Variants in DTD1 observed in about 807,000 individuals in gnomAD.
DTD1 encodes D-tyrosyl-tRNA deacylase 1 homolog.
DTD1 carries 13 observed loss-of-function variants against 25.6 expected under a neutral mutation model. The observed-to-expected ratio is 0.51, with a 90% CI of 0.33 to 0.81. The LOEUF (loss-of-function observed/expected upper bound fraction) is 0.81, where lower values mean the gene tolerates loss of function less well. DTD1 is among the 30% of genes least tolerant of loss of function. The pLI, the probability that DTD1 is intolerant of heterozygous loss-of-function variation, is 0.02. For missense variants in DTD1, 193 were observed against 266.4 expected, an observed-to-expected ratio of 0.72 and a Z score of 1.92; for synonymous variants, 110 against 103.6, an observed-to-expected ratio of 1.06 and a Z score of -0.37.
At chr20:18,668,345 T>C (rs2060939633) in intron 4 of DTD1, among the ~76,000 whole-genome samples, 1 of 152,242 alleles carries the variant, frequency 6.6e-6, no homozygotes, top group South Asian at 2.1e-4. Context: ...TTATGGGATG[T>C]CAGTGTGTTA....
chr20:18,704,139 T>G (rs1424230885), intron 4 of DTD1, among the ~76,000 whole-genome samples: 1 of 152,118 alleles, frequency 6.6e-6, no homozygotes. Flanking sequence ...TAGCTGGGAC[T>G]ACAGGTGCCT....
Position 18,588,132 on chromosome 20 carries a change from C to G in DTD1, c.43+17C>G. 1 of 1,267,098 alleles carries G rather than the reference C, an allele frequency of 7.9e-7. No homozygotes were observed. The highest frequency in any genetic ancestry group is 9.9e-7 in the Non-Finnish European group (1 of 1,007,420). 78.5% of individuals were successfully genotyped at this position (1,267,098 alleles called of 1,614,324 possible). A position where few individuals can be genotyped will look rare whatever the true frequency, so the allele number is the denominator to read the frequency against. On this transcript the variant is annotated intron_variant, in intron 1 of 5. Transcript: ENST00000377452. Reference sequence around the variant, plus strand: ...GCGTCACAGGTCAGTCGGGCGGGGCCGGGCCCGGGAGGAGCCGCCCCTGAC... The same window carrying G: ...GCGTCACAGGTCAGTCGGGCGGGGCGGGGCCCGGGAGGAGCCGCCCCTGAC...
chr20:18,757,310 T>C (rs2061343169), intron 5 of DTD1, among the ~76,000 whole-genome samples: 1 of 152,220 alleles, frequency 6.6e-6, no homozygotes, highest in African/African-American at 2.4e-5. Context: ...AACACTATGT[T>C]GAATAGGAGT....
chr20:18,762,233 C>A (rs181046418), intron 5 of DTD1, among the ~76,000 whole-genome samples: 1 of 152,154 alleles, frequency 6.6e-6, no homozygotes, highest in African/African-American at 2.4e-5. Context: ...CATATTGAGT[C>A]GTATTGAAAT....
chr20:18,704,890 T>C (rs2061120207), intron 4 of DTD1, among the ~76,000 whole-genome samples: 1 of 152,202 alleles, frequency 6.6e-6, no homozygotes, highest in South Asian at 2.1e-4. Context: ...GTTCCTATTT[T>C]GCCTGCACAC....
chr20:18,615,819 C>T (rs2060706848), intron 3 of DTD1, among the ~76,000 whole-genome samples: 2 of 152,194 alleles, frequency 1.3e-5, no homozygotes, highest in Admixed American at 6.5e-5. Flanking sequence ...TTTATGACCG[C>T]TTCTGCTCTG....
intron 4 of DTD1, among the ~76,000 whole-genome samples, chr20:18,673,174 C>T (rs1342562758): frequency 1.3e-5 from 2 of 152,152 alleles, no homozygotes; most frequent in African/African-American, 4.8e-5. Context: ...AATTGATAGC[C>T]TAGCTGTTTA....
Position 18,745,257 on chromosome 20 carries a change from A to G in DTD1, c.*19+986A>G, listed in dbSNP as rs191672843. On this transcript the variant is annotated intron_variant, in intron 5 of 5. Coordinates refer to ENST00000377452, the MANE Select transcript of DTD1 (RefSeq NM_080820.6). ...TTTTATTCTTATTGTGGCTCACTGT[A>G]GCACGGAGTCCACCTCCCTGCCTGA... Among the ~76,000 whole-genome samples, 560 of 152,278 alleles carry G rather than the reference A, an allele frequency of 3.7e-3. 2 individuals are homozygous for G. Among genetic ancestry groups the G allele is most frequent in the Non-Finnish European group, 6.3e-3 (427 of 68,016 alleles).
At chr20:18,736,501 G>A (rs1406061968) in intron 4 of DTD1, among the ~76,000 whole-genome samples, 1 of 152,248 alleles carries the variant, frequency 6.6e-6, no homozygotes, top group African/African-American at 2.4e-5. Context: ...CTTTCAAGGT[G>A]CTTCATGAGT....
At position 18,719,206 on chromosome 20, in the gene DTD1, A is replaced by T. The variant is rs180978353; in HGVS notation, c.478-24894A>T. On this transcript the variant is annotated intron_variant, in intron 4 of 5. Transcript: ENST00000377452. ...TAATCTTGTAAGTTGGGGATTGTCT[A>T]TTTTTTGTGTATATTTCTGTGTGTG... Among the ~76,000 whole-genome samples, 24 of 150,664 alleles carry T rather than the reference A, an allele frequency of 1.6e-4. No homozygotes were observed. The East Asian group carries it at 1.8e-3, about 11-fold the overall frequency.
intron 4 of DTD1, chr20:18,631,537 C>T (rs1474471214): frequency 1.0e-6 from 1 of 985,470 alleles, no homozygotes; most frequent in Non-Finnish European, 1.2e-6. Flanking sequence ...GCTTCCATTT[C>T]CTCCCTTCTG....
At chr20:18,610,402 AT>A (rs1317349757) in intron 3 of DTD1, among the ~76,000 whole-genome samples, 1 of 152,174 alleles carries the variant, frequency 6.6e-6, no homozygotes, top group Non-Finnish European at 1.5e-5. Context: ...ACTTCTTGAA[AT>A]AATGTATATT....
At position 18,661,622 on chromosome 20, in the gene DTD1, T is replaced by C. The variant is rs762615160; in HGVS notation, c.477+33389T>C. Among the ~76,000 whole-genome samples, 67 of 152,270 alleles carry C rather than the reference T, an allele frequency of 4.4e-4. 1 individual carries two copies. The East Asian group carries it at 5.2e-3, about 12-fold the overall frequency. ...TCCTGACCTCGTGATCTGCCCGCCT[T>C]GGCCTCCCAAAGTGCTGGGATTAGA... On this transcript the variant is annotated intron_variant, in intron 4 of 5. Transcript: ENST00000377452.
intron 4 of DTD1, among the ~76,000 whole-genome samples, chr20:18,736,847 T>C (rs1418721078): frequency 6.6e-6 from 1 of 152,092 alleles, no homozygotes; most frequent in African/African-American, 2.4e-5. Flanking sequence ...TCTGAGGCTA[T>C]TGCCTGGCCT....
At chr20:18,675,784 A>ATG (rs377418388) in intron 4 of DTD1, among the ~76,000 whole-genome samples, 2 of 99,386 alleles carry the variant, frequency 2.0e-5, no homozygotes, top group African/African-American at 3.5e-5. Context: ...ACACATATAT[A>ATG]TGTGTAAATA....
At chr20:18,739,632 G>T (rs1456544213) in intron 4 of DTD1, among the ~76,000 whole-genome samples, 4 of 152,160 alleles carry the variant, frequency 2.6e-5, no homozygotes, top group African/African-American at 9.7e-5. Flanking sequence ...ACCTGTAGTG[G>T]TTTATATTCT....
intron 4 of DTD1, among the ~76,000 whole-genome samples, chr20:18,705,329 A>T (rs1405523831): frequency 1.3e-5 from 2 of 152,146 alleles, no homozygotes; most frequent in East Asian, 3.8e-4. Flanking sequence ...CTATCCTCAC[A>T]CGTGGACATG....
chr20:18,610,536 C>T (rs1600316229), intron 3 of DTD1, among the ~76,000 whole-genome samples: 1 of 152,286 alleles, frequency 6.6e-6, no homozygotes, highest in Middle Eastern at 3.4e-3. Flanking sequence ...ATAAATTATA[C>T]ACAGTTTTTT....
rs183412448 is a variant in DTD1, at chr20:18,607,278, C to T, written c.370+11037C>T. Among the ~76,000 whole-genome samples the T allele has an allele frequency of 3.3e-3, 507 of 152,246 alleles. 3 individuals are homozygous for T. The highest frequency in any genetic ancestry group is 0.012 in the African/African-American group (488 of 41,550). ...CCGGGTTCAAACGATTCTCATACCT[C>T]AGCCTCCTGAGTAGCTGGGATCCAG... On this transcript the variant is annotated intron_variant, in intron 3 of 5. Transcript: ENST00000377452.
Sources: gnomAD v4.1 joint callset for allele counts (sites outside exome capture counted in the v4.1 genomes callset) on GRCh38, gnomAD v4.1.1 for gene constraint, MANE v1.5 for transcripts, NCBI Gene and HGNC (gene_info 2026-07-23, HGNC 2026-07-21) for gene names.